The following BCAR3 variants were observed in gnomAD, a reference collection of about 807,000 sequenced individuals.
BCAR3 encodes breast cancer anti-estrogen resistance protein 3.
BCAR3 carries 37 observed loss-of-function variants against 80.1 expected under a neutral mutation model. The ratio of observed to expected loss-of-function variants is 0.46; its 90% CI spans 0.36 to 0.61. The LOEUF (loss-of-function observed/expected upper bound fraction) is 0.61. Among genes scored for constraint, BCAR3 ranks in the 20% least tolerant of loss-of-function variants. The probability of loss-of-function intolerance (pLI) is 0.00; values close to 1 mark genes in which losing one functional copy is unlikely to be tolerated. For synonymous variants in BCAR3, 389 were observed against 418.9 expected (o/e 0.93, Z 0.87); for missense variants, 978 against 1,068.2 (o/e 0.92, Z 1.18).
At chr1:93,674,331 C>T (rs1648359859) in intron 2 of BCAR3, among the ~76,000 whole-genome samples, 1 of 152,238 alleles carries the variant, frequency 6.6e-6, no homozygotes, top group East Asian at 1.9e-4. Flanking sequence ...TCTTGGCTTA[C>T]TGCAACCTCT....
intron 2 of BCAR3, among the ~76,000 whole-genome samples, chr1:93,830,719 G>A (rs899564405): frequency 9.2e-5 from 14 of 152,142 alleles, no homozygotes; most frequent in Non-Finnish European, 1.5e-5. Flanking sequence ...AGCCTGTTTG[G>A]TGGTCTCTTC....
chr1:93,808,807 T>A (rs994967930), intron 2 of BCAR3, among the ~76,000 whole-genome samples: 3 of 152,206 alleles, frequency 2.0e-5, no homozygotes, highest in African/African-American at 7.2e-5. Context: ...AATAAGATAA[T>A]TTGTTCCAGA....
At position 93,613,507 on chromosome 1, in the gene BCAR3, C is replaced by T. The variant is rs535070769; in HGVS notation, c.358-21114G>A. ...GAAAAGGGCTCAGCTACCTTGTGTT[C>T]GTTAGAAATGAAGGAAGAGAGACAA... On this transcript the variant is annotated intron_variant, in intron 3 of 11. Coordinates refer to ENST00000260502, the MANE Select transcript of BCAR3 (RefSeq NM_003567.4). 3.3e-5 allele frequency among the ~76,000 whole-genome samples: 5 copies of T among 151,988 alleles called. No individual in the cohort carries two copies. The East Asian group carries it at 7.7e-4, about 23-fold the overall frequency.
intron 3 of BCAR3, among the ~76,000 whole-genome samples, chr1:93,598,439 C>G (rs866912353): frequency 6.6e-6 from 1 of 152,160 alleles, no homozygotes. Context: ...TTGTGCAAAT[C>G]GGCAGGAAAG....
In BCAR3 at chr1:93,732,166, T is replaced by C. The variant is rs555062541; in HGVS notation, c.-62-26024A>G. 2.6e-5 allele frequency among the ~76,000 whole-genome samples: 4 copies of C among 152,314 alleles called. No homozygotes were observed. In the East Asian group the frequency reaches 7.7e-4, roughly 29 times the overall value. On this transcript the variant is annotated intron_variant, in intron 2 of 13. Transcript: ENST00000370244. ...TGGCTTCACAGTGTGGAGCCAAAAT[T>C]AGCAGGGCTAGTGTTTAGGACAGGG... is the stretch of plus-strand genomic sequence containing the variant.
intron 3 of BCAR3, among the ~76,000 whole-genome samples, chr1:93,611,315 G>T (rs1254953474): frequency 6.6e-6 from 1 of 152,134 alleles, no homozygotes; most frequent in Non-Finnish European, 1.5e-5. Flanking sequence ...ACCTAACAGA[G>T]GGCTTATGCA....
intron 2 of BCAR3, among the ~76,000 whole-genome samples, chr1:93,785,358 G>A (rs116027515): frequency 0.013 from 2,016 of 152,302 alleles, 39 homozygotes; most frequent in African/African-American, 0.046. Flanking sequence ...GGGGACTGCA[G>A]CAAACAGAAG....
intron 2 of BCAR3, among the ~76,000 whole-genome samples, chr1:93,673,486 A>C (rs1648318491): frequency 6.6e-6 from 1 of 152,262 alleles, no homozygotes; most frequent in African/African-American, 2.4e-5. Context: ...TTGAACAAAT[A>C]AATGAGCTAG....
chr1:93,826,809 C>T (rs926932151), intron 2 of BCAR3, among the ~76,000 whole-genome samples: 2 of 151,486 alleles, frequency 1.3e-5, no homozygotes, highest in African/African-American at 4.9e-5. Flanking sequence ...TGTGTGTGTG[C>T]GTGCATGTGT....
intron 3 of BCAR3, among the ~76,000 whole-genome samples, chr1:93,603,686 T>C (rs1357280150): frequency 6.6e-6 from 1 of 152,236 alleles, no homozygotes; most frequent in Non-Finnish European, 1.5e-5. Flanking sequence ...TGATAGTCAC[T>C]GGAACACCGT....
At chr1:93,657,032 A>G (rs1236907658) in intron 2 of BCAR3, among the ~76,000 whole-genome samples, 2 of 152,208 alleles carry the variant, frequency 1.3e-5, no homozygotes, top group African/African-American at 2.4e-5. Flanking sequence ...GCAAGTTTTC[A>G]TCCAAAAAAG....
chr1:93,717,843 G>GT lies in BCAR3; in HGVS notation c.-62-11702dup, dbSNP rs1470808877. Among the ~76,000 whole-genome samples the GT allele has an allele frequency of 3.3e-5, 5 of 152,206 alleles. No individual in the cohort carries two copies. In the East Asian group the frequency reaches 5.8e-4, roughly 18 times the overall value. On this transcript the variant is annotated intron_variant, in intron 2 of 13. Transcript: ENST00000370244. ...GGGGCTGCTCATTGTGGAAAATTGC[G>GT]TAAGAGTCTGAGAGTGTGGCCTGCG...
At chr1:93,769,310 T>C (rs1359679873) in intron 2 of BCAR3, among the ~76,000 whole-genome samples, 1 of 150,868 alleles carries the variant, frequency 6.6e-6, no homozygotes, top group Non-Finnish European at 1.5e-5. Context: ...AAGAGCCAAG[T>C]TGGACACAGG....
At chr1:93,741,088 G>A (rs1651159387) in intron 2 of BCAR3, among the ~76,000 whole-genome samples, 2 of 152,152 alleles carry the variant, frequency 1.3e-5, no homozygotes, top group African/African-American at 4.8e-5. Flanking sequence ...CTGTTAGGTG[G>A]CTTCAGGAAA....
rs113357238 is a variant in BCAR3, at chr1:93,808,500, C to T, written c.-63+37067G>A. Among the ~76,000 whole-genome samples, 140 of 152,230 alleles carry T rather than the reference C, an allele frequency of 9.2e-4. 3 individuals are homozygous for T. The highest frequency in any genetic ancestry group is 3.3e-3 in the African/African-American group (135 of 41,516). ...TAGAAAGTTACCTGAGAATACACTC[C>T]AGCAAAATCGATGTATAAATTAAGA... is the stretch of plus-strand genomic sequence containing the variant. On this transcript the variant is annotated intron_variant, in intron 2 of 13. Coordinates refer to the BCAR3 transcript ENST00000370244.
At chr1:93,627,334 G>C (rs1300745284) in intron 3 of BCAR3, among the ~76,000 whole-genome samples, 2 of 152,196 alleles carry the variant, frequency 1.3e-5, no homozygotes, top group Non-Finnish European at 2.9e-5. Context: ...AATAAAACAA[G>C]TTCATTGACA....
At chr1:93,761,839 T>C (rs1423667609) in intron 2 of BCAR3, among the ~76,000 whole-genome samples, 2 of 152,180 alleles carry the variant, frequency 1.3e-5, no homozygotes, top group Non-Finnish European at 2.9e-5. Context: ...AGCCAGTCCA[T>C]TGATTACATC....
At chr1:93,572,651 A>C (rs1673266840) in intron 8 of BCAR3, among the ~76,000 whole-genome samples, 1 of 152,188 alleles carries the variant, frequency 6.6e-6, no homozygotes, top group African/African-American at 2.4e-5. Context: ...TTCCCACTGT[A>C]AATCAGGACC....
chr1:93,747,754 A>C (rs1011347962), intron 2 of BCAR3, among the ~76,000 whole-genome samples: 5 of 151,740 alleles, frequency 3.3e-5, no homozygotes, highest in Admixed American at 6.5e-5. Context: ...CTTTGAGGAT[A>C]AAATCTAAAC....
Sources: allele counts gnomAD v4.1 joint callset (sites outside exome capture counted in the v4.1 genomes callset), GRCh38; gene constraint gnomAD v4.1.1; transcripts MANE v1.5; gene names NCBI Gene and HGNC (gene_info 2026-07-23, HGNC 2026-07-21).